Variants in NBEA observed in about 807,000 individuals in gnomAD.
The protein encoded by NBEA is neurobeachin.
In NBEA, 44 loss-of-function variants were observed where a neutral mutation model predicts 343.4. That is an observed-to-expected ratio of 0.13 (90% CI 0.10 to 0.16). NBEA has a LOEUF of 0.16. Ranked by LOEUF, NBEA falls within the 10% of genes least tolerant of loss-of-function variation. The pLI is 1.00. For missense variants in NBEA, 2,555 were observed against 3,631.3 expected (o/e 0.70, Z 7.62); for synonymous variants, 1,175 against 1,238.7 (o/e 0.95, Z 1.08).
rs1023692907 is a variant in NBEA at position 35,288,461 on chromosome 13, C to G, written c.5777-1928C>G. ...TTCTATGGACTTGAAATCACAATAG[C>G]CTTTTACAAAATACTGAGAGCACTG... is the stretch of plus-strand genomic sequence containing the variant. On this transcript the variant is annotated intron_variant, in intron 34 of 58. Coordinates refer to ENST00000379939, the MANE Select transcript of NBEA (RefSeq NM_001385012.1). 9.9e-5 allele frequency among the ~76,000 whole-genome samples: 15 copies of G among 151,822 alleles called. 2 individuals carry two copies. In the Admixed American group the frequency reaches 9.9e-4, roughly 10 times the overall value.
intron 29 of NBEA, among the ~76,000 whole-genome samples, chr13:35,183,700 C>A (rs532044075): frequency 1.6e-4 from 25 of 151,916 alleles, no homozygotes; most frequent in South Asian, 4.2e-4. Flanking sequence ...CTTTTATATC[C>A]ATTATATGTA....
intron 28 of NBEA, among the ~76,000 whole-genome samples, chr13:35,181,389 T>G (rs1231108885): frequency 6.6e-6 from 1 of 151,996 alleles, no homozygotes; most frequent in Non-Finnish European, 1.5e-5. Context: ...ATTGTGGTTT[T>G]GATTTGCATT....
At chr13:35,235,059 A>T (rs1045362367) in intron 34 of NBEA, among the ~76,000 whole-genome samples, 1 of 152,222 alleles carries the variant, frequency 6.6e-6, no homozygotes, top group Admixed American at 6.5e-5. Context: ...TACAAATATT[A>T]TATCAAGCCA....
chr13:35,287,809 C>T (rs1224080183), intron 34 of NBEA, among the ~76,000 whole-genome samples: 1 of 151,918 alleles, frequency 6.6e-6, no homozygotes, highest in Non-Finnish European at 1.5e-5. Context: ...AGTTCCACCA[C>T]TGACTGAATG....
At chr13:34,952,264 C>T (rs1292689820) in intron 1 of NBEA, among the ~76,000 whole-genome samples, 2 of 152,182 alleles carry the variant, frequency 1.3e-5, no homozygotes, top group Non-Finnish European at 2.9e-5. Context: ...AGTTGATTCT[C>T]TGGTAGGGAA....
At chr13:35,252,440 C>G (rs1287641806) in intron 34 of NBEA, among the ~76,000 whole-genome samples, 1 of 152,140 alleles carries the variant, frequency 6.6e-6, no homozygotes, top group Non-Finnish European at 1.5e-5. Flanking sequence ...GCCAAAAATT[C>G]CAAAGTATAT....
At chr13:35,487,441 C>A (rs559180349) in intron 41 of NBEA, among the ~76,000 whole-genome samples, 1 of 151,716 alleles carries the variant, frequency 6.6e-6, no homozygotes, top group African/African-American at 2.4e-5. Context: ...GTAATTCTGC[C>A]GCATAAGTCA....
chr13:35,207,610 C>A (rs2073482753), intron 31 of NBEA, among the ~76,000 whole-genome samples: 1 of 151,972 alleles, frequency 6.6e-6, no homozygotes, highest in Non-Finnish European at 1.5e-5. Context: ...TGACTAATAT[C>A]CATATTTATT....
intron 34 of NBEA, among the ~76,000 whole-genome samples, chr13:35,269,282 C>A (rs1834460420): frequency 6.6e-6 from 1 of 151,956 alleles, no homozygotes; most frequent in South Asian, 2.1e-4. Context: ...AATACCTAGT[C>A]ATAATAAAAT....
intron 38 of NBEA, among the ~76,000 whole-genome samples, chr13:35,360,288 A>G (rs1273893389): frequency 6.6e-6 from 1 of 152,062 alleles, no homozygotes; most frequent in African/African-American, 2.4e-5. Flanking sequence ...TAGGTTTCCT[A>G]AATCCAAGGC....
At chr13:35,411,462 CTT>C (rs199640430) in intron 38 of NBEA, among the ~76,000 whole-genome samples, 1 of 146,116 alleles carries the variant, frequency 6.8e-6, no homozygotes, top group Admixed American at 6.8e-5. Flanking sequence ...CTTGTCTCTT[CTT>C]TTTTTTTTTT....
At position 35,164,563 on chromosome 13, in the gene NBEA, C is replaced by T. The variant is rs2069841419; in HGVS notation, c.4233+54C>T. ...ATATTTTATAAATACATGACTTTAG[C>T]ATTTCAGTGGTGGTCTAGGCTATAA... On this transcript the variant is annotated intron_variant, in intron 24 of 58. Coordinates refer to ENST00000379939, the MANE Select transcript of NBEA (RefSeq NM_001385012.1). 3 of 1,539,904 alleles carry T rather than the reference C, an allele frequency of 1.9e-6. No homozygotes were observed. In the East Asian group the frequency reaches 6.9e-5, roughly 36 times the overall value.
chr13:35,298,255 G>A, intron 35 of NBEA, among the ~76,000 whole-genome samples: 1 of 100,576 alleles, frequency 9.9e-6, no homozygotes, highest in East Asian at 2.9e-4. Context: ...ATATGTATAT[G>A]CTTCTTTTTT....
chr13:35,509,849 G>A (rs766754713), intron 41 of NBEA, among the ~76,000 whole-genome samples: 4 of 152,148 alleles, frequency 2.6e-5, no homozygotes, highest in Non-Finnish European at 4.4e-5. Flanking sequence ...TGAATAAGGC[G>A]ACAGTCACTA....
At position 35,204,611 on chromosome 13, in the gene NBEA, A is replaced by G. The variant is rs192577859; in HGVS notation, c.5367-4089A>G. Reference sequence around the variant, plus strand: ...GAGATTTGGGTGGGGACACAGCCAAACCATATCAGTCACTGGTGCCAAAAG... The same window carrying G: ...GAGATTTGGGTGGGGACACAGCCAAGCCATATCAGTCACTGGTGCCAAAAG... On this transcript the variant is annotated intron_variant, in intron 31 of 58. Transcript: ENST00000379939. Among the ~76,000 whole-genome samples, 1,302 of 152,190 alleles carry G rather than the reference A, an allele frequency of 8.6e-3. 77 individuals are homozygous for G. Among genetic ancestry groups the G allele is most frequent in the Admixed American group, 0.081 (1,239 of 15,274 alleles).
chr13:35,012,661 T>C (rs1455378962), intron 1 of NBEA, among the ~76,000 whole-genome samples: 1 of 152,262 alleles, frequency 6.6e-6, no homozygotes, highest in African/African-American at 2.4e-5. Context: ...TGTGCCACTA[T>C]TAATGATCAA....
At chr13:35,093,547 C>T (rs770568740) in intron 10 of NBEA, among the ~76,000 whole-genome samples, 93 of 151,970 alleles carry the variant, frequency 6.1e-4, no homozygotes, top group Admixed American at 1.4e-3. Context: ...GAAAGTGGAG[C>T]CAGCACCAAG....
At chr13:34,958,581 G>C (rs2059568847) in intron 1 of NBEA, among the ~76,000 whole-genome samples, 1 of 151,006 alleles carries the variant, frequency 6.6e-6, no homozygotes, top group Non-Finnish European at 1.5e-5. Flanking sequence ...TAGAGTTATA[G>C]TTTAAATGCA....
chr13:35,072,596 G>T (rs562517397), intron 10 of NBEA, among the ~76,000 whole-genome samples: 1 of 152,134 alleles, frequency 6.6e-6, no homozygotes, highest in Non-Finnish European at 1.5e-5. Flanking sequence ...GTCTTACTCT[G>T]TTGCCCAGGC....
Sources: gnomAD v4.1 joint callset for allele counts (sites outside exome capture counted in the v4.1 genomes callset) on GRCh38, gnomAD v4.1.1 for gene constraint, MANE v1.5 for transcripts, NCBI Gene and HGNC (gene_info 2026-07-23, HGNC 2026-07-21) for gene names.